The following ARHGAP18 variants were observed in gnomAD, a reference collection of about 807,000 sequenced individuals.
ARHGAP18 encodes the protein Rho GTPase activating protein 18.
Under a neutral mutation model 86.2 loss-of-function variants are expected in ARHGAP18, and 67 were observed. The observed-to-expected ratio is 0.78, with a 90% CI of 0.64 to 0.95. The LOEUF is 0.95. Ranked by LOEUF, ARHGAP18 falls within the 40% of genes least tolerant of loss-of-function variation. ARHGAP18 has a pLI of 0.00. For missense variants in ARHGAP18, 691 were observed against 780.4 expected, an observed-to-expected ratio of 0.89 and a Z score of 1.37; for synonymous variants, 283 against 280.4, an observed-to-expected ratio of 1.01 and a Z score of -0.09.
chr6:129,684,602 C>T lies in ARHGAP18; in HGVS notation c.113+25422G>A, dbSNP rs117346850. 1.6e-3 allele frequency among the ~76,000 whole-genome samples: 237 copies of T among 152,246 alleles called. 4 individuals carry two copies. The East Asian group carries it at 0.038, about 24-fold the overall frequency. On this transcript the variant is annotated intron_variant, in intron 1 of 14. Coordinates refer to ENST00000368149, the MANE Select transcript of ARHGAP18 (RefSeq NM_033515.3). ...TCATGGAAACACATACACACCAGAA[C>T]GCATCCACCAACATTAGGTGTCATG...
Position 129,578,480 on chromosome 6 carries a change from G to T in ARHGAP18, c.*33C>A. ...TGACTCAGCAAGAATTATGACAGAA[G>T]TCCACATGGTTATCTGCAGCTTGTT... On this transcript the variant is annotated 3_prime_UTR_variant, in exon 15 of 15. Coordinates refer to ENST00000368149, the MANE Select transcript of ARHGAP18 (RefSeq NM_033515.3). 6.5e-7 allele frequency: 1 copy of T among 1,541,960 alleles called. No homozygotes were observed. The highest frequency in any genetic ancestry group is 8.9e-7 in the Non-Finnish European group (1 of 1,119,172).
chr6:129,642,344 A>G (rs1167152131), intron 1 of ARHGAP18, among the ~76,000 whole-genome samples: 2 of 152,280 alleles, frequency 1.3e-5, no homozygotes, highest in East Asian at 1.9e-4. Context: ...GAGTGCACCA[A>G]TGTGACCATA....
At chr6:129,669,037 GC>G (rs1284149871) in intron 1 of ARHGAP18, among the ~76,000 whole-genome samples, 1 of 152,182 alleles carries the variant, frequency 6.6e-6, no homozygotes, top group Admixed American at 6.5e-5. Flanking sequence ...AAATAGGACT[GC>G]CTCAACTCCA....
At chr6:129,586,451 C>T (rs1049150685) in intron 12 of ARHGAP18, among the ~76,000 whole-genome samples, 3 of 151,926 alleles carry the variant, frequency 2.0e-5, no homozygotes, top group East Asian at 1.9e-4. Context: ...GGGACTTGAA[C>T]GGCAGGCTAG....
chr6:129,627,053 T>C (rs9375641), intron 5 of ARHGAP18, among the ~76,000 whole-genome samples: 65,704 of 151,848 alleles, frequency 0.43, 14,580 homozygotes, highest in Middle Eastern at 0.5. Flanking sequence ...ACAGAAAATA[T>C]ACCAGACAAG....
intron 1 of ARHGAP18, among the ~76,000 whole-genome samples, chr6:129,681,302 T>A (rs1460191007): frequency 6.6e-6 from 1 of 152,162 alleles, no homozygotes; most frequent in Non-Finnish European, 1.5e-5. Flanking sequence ...CGTCTTGAAC[T>A]CCTAACCTCG....
At chr6:129,691,876 G>A (rs193082962) in intron 1 of ARHGAP18, among the ~76,000 whole-genome samples, 4 of 152,224 alleles carry the variant, frequency 2.6e-5, no homozygotes, top group East Asian at 3.9e-4. Context: ...TGACATCCCC[G>A]TTCCTGCTCA....
At chr6:129,687,590 G>A (rs1774451872) in intron 1 of ARHGAP18, among the ~76,000 whole-genome samples, 1 of 152,156 alleles carries the variant, frequency 6.6e-6, no homozygotes, top group African/African-American at 2.4e-5. Context: ...TAGGAAAGCA[G>A]GCTTCAGACA....
chr6:129,667,502 TGTG>T (rs1373317336), intron 1 of ARHGAP18, among the ~76,000 whole-genome samples: 3 of 145,346 alleles, frequency 2.1e-5, no homozygotes, highest in Non-Finnish European at 3.0e-5. Flanking sequence ...TGTGTGTGTG[TGTG>T]TTGTGTATGT....
chr6:129,595,122 AC>A (rs1169746892), intron 12 of ARHGAP18, among the ~76,000 whole-genome samples: 3 of 126,662 alleles, frequency 2.4e-5, no homozygotes, highest in African/African-American at 1.0e-4. Flanking sequence ...CCCCAATTAG[AC>A]TACCATAAAT....
At chr6:129,608,168 A>T in intron 8 of ARHGAP18, 116 bp from the exon 9 acceptor site, 7 of 1,219,660 alleles carry the variant, frequency 5.7e-6, no homozygotes, top group Middle Eastern at 5.7e-4. Flanking sequence ...TTTAGACAAG[A>T]CAAATCAGAC....
intron 1 of ARHGAP18, among the ~76,000 whole-genome samples, chr6:129,644,190 C>A (rs1270334323): frequency 2.0e-5 from 3 of 152,212 alleles, no homozygotes. Flanking sequence ...TGTTTGCCTT[C>A]TTCATCCCTT....
At chr6:129,701,773 TA>T (rs200564108) in intron 1 of ARHGAP18, among the ~76,000 whole-genome samples, 13 of 149,192 alleles carry the variant, frequency 8.7e-5, no homozygotes, top group Non-Finnish European at 1.5e-4. Context: ...CCATCTCAAA[TA>T]AAAAAAAACA....
chr6:129,662,778 C>A (rs955104001), intron 1 of ARHGAP18, among the ~76,000 whole-genome samples: 3 of 152,224 alleles, frequency 2.0e-5, no homozygotes, highest in African/African-American at 7.2e-5. Flanking sequence ...TTAGGCTAAA[C>A]TGAATGTGTA....
At chr6:129,674,497 G>C (rs536371890) in intron 1 of ARHGAP18, among the ~76,000 whole-genome samples, 1 of 152,212 alleles carries the variant, frequency 6.6e-6, no homozygotes, top group Non-Finnish European at 1.5e-5. Context: ...TGTGGATTCA[G>C]CCAACCATGG....
At chr6:129,584,199 C>CT in intron 12 of ARHGAP18, 87 bp from the exon 13 acceptor site, 1 of 1,528,186 alleles carries the variant, frequency 6.5e-7, no homozygotes. Context: ...GTGTGCTTAA[C>CT]TACTACGCAT....
intron 4 of ARHGAP18, among the ~76,000 whole-genome samples, chr6:129,632,071 C>T (rs932254746): frequency 2.6e-5 from 4 of 152,128 alleles, no homozygotes; most frequent in African/African-American, 9.7e-5. Context: ...GACTATGTCA[C>T]CCATGCCTTC....
intron 1 of ARHGAP18, among the ~76,000 whole-genome samples, chr6:129,661,560 C>T (rs1052509703): frequency 2.0e-5 from 3 of 149,416 alleles, no homozygotes; most frequent in Non-Finnish European, 4.4e-5. Context: ...AATCAGAAGG[C>T]CTGGATTCTT....
At chr6:129,597,195 G>A (rs1169647027) in intron 12 of ARHGAP18, among the ~76,000 whole-genome samples, 1 of 151,180 alleles carries the variant, frequency 6.6e-6, no homozygotes, top group Non-Finnish European at 1.5e-5. Flanking sequence ...ACCCAAACTG[G>A]AGTGCAGTGG....
Sources: allele counts gnomAD v4.1 joint callset (sites outside exome capture counted in the v4.1 genomes callset), GRCh38; gene constraint gnomAD v4.1.1; transcripts MANE v1.5; gene names NCBI Gene and HGNC (gene_info 2026-07-23, HGNC 2026-07-21).